RBM5: variants seen among roughly 807,000 people sequenced by gnomAD.
The protein encoded by RBM5 is RNA-binding protein 5.
RBM5 carries 15 observed loss-of-function variants against 124.6 expected under a neutral mutation model. The ratio of observed to expected loss-of-function variants is 0.12; its 90% CI spans 0.08 to 0.19. The LOEUF (loss-of-function observed/expected upper bound fraction) is 0.19, where lower values mean the gene tolerates loss of function less well. RBM5 is among the 10% of genes least tolerant of loss of function. The pLI is 1.00. For synonymous variants in RBM5, 337 were observed against 361.2 expected (o/e 0.93, Z 0.76); for missense variants, 580 against 1,026.5 (o/e 0.57, Z 5.94).
chr3:50,103,928 G>A (rs1190913950), intron 7 of RBM5, among the ~76,000 whole-genome samples: 2 of 152,196 alleles, frequency 1.3e-5, no homozygotes, highest in Non-Finnish European at 2.9e-5. Context: ...TGTGTATGTA[G>A]GATGGGATGT....
At chr3:50,114,503 G>A (rs1481928199) in intron 20 of RBM5, 4 of 467,780 alleles carry the variant, frequency 8.6e-6, no homozygotes, top group Non-Finnish European at 1.5e-5. Flanking sequence ...ATCTGTGAGT[G>A]GAGAGTTTTA....
Position 50,117,336 on chromosome 3 carries a change from C to T in RBM5, c.2279C>T (p.Ser760Phe), listed in dbSNP as rs1380437810. Reference protein sequence around the residue: ...MLQAMGWREGSGLGRKCQGIT... With the variant: ...MLQAMGWREGFGLGRKCQGIT... ...CAGGCCATGGGCTGGCGGGAAGGCTCTGGCTTGGGACGAAAGTGTCAAGGC... is the reference window on the plus strand; with the variant it reads ...CAGGCCATGGGCTGGCGGGAAGGCTTTGGCTTGGGACGAAAGTGTCAAGGC... The change falls in exon 24 of 25, where the codon TCT (serine) becomes TTT (phenylalanine). Residue 760 changes from serine to phenylalanine, a missense_variant. Coordinates refer to ENST00000347869, the MANE Select transcript of RBM5 (RefSeq NM_005778.4). The surrounding 1 kb of genome is among the most constrained non-coding windows in gnomAD (Gnocchi z 4.2). The T allele has an allele frequency of 6.2e-7, 1 of 1,614,206 alleles. No individual in the cohort carries two copies. The highest frequency in any genetic ancestry group is 8.5e-7 in the Non-Finnish European group (1 of 1,180,042).
intron 19 of RBM5, 24 bp from the exon 20 acceptor site, chr3:50,114,156 C>T: frequency 6.2e-7 from 1 of 1,614,122 alleles, no homozygotes; most frequent in Non-Finnish European, 8.5e-7. Flanking sequence ...ACTTGAGTCT[C>T]ATGGCTTGTC....
At chr3:50,114,150 G>T (rs369028062) in intron 19 of RBM5, 30 bp from the exon 20 acceptor site, 2 of 1,613,996 alleles carry the variant, frequency 1.2e-6, no homozygotes, top group Non-Finnish European at 1.7e-6. Flanking sequence ...CCTAAAACTT[G>T]AGTCTCATGG....
chr3:50,104,435 C>A, intron 8 of RBM5, 127 bp downstream of exon 8: 1 of 857,596 alleles, frequency 1.2e-6, no homozygotes. Context: ...GACAGGAGTT[C>A]AATACCAGCC....
intron 22 of RBM5, 62 bp downstream of exon 22, chr3:50,116,042 T>C (rs1317916107): frequency 1.3e-6 from 2 of 1,487,296 alleles, no homozygotes; most frequent in Non-Finnish European, 1.9e-6. Context: ...AGCTTTTATT[T>C]GTAGCATTTA....
At chr3:50,095,313 G>A (rs896771526) in intron 4 of RBM5, among the ~76,000 whole-genome samples, 1 of 152,142 alleles carries the variant, frequency 6.6e-6, no homozygotes, top group Admixed American at 6.5e-5. Context: ...GCTCCTAGAA[G>A]ATAATCAATA....
chr3:50,090,521 T>C lies in RBM5; in HGVS notation c.17+70T>C. 2.6e-6 allele frequency: 4 copies of C among 1,554,272 alleles called. 1 individual carries two copies. In the Admixed American group the frequency reaches 5.3e-5, roughly 21 times the overall value. On this transcript the variant is annotated intron_variant, in intron 2 of 24. Coordinates refer to ENST00000347869, the MANE Select transcript of RBM5 (RefSeq NM_005778.4). ...GGACTGAACTCCTTGTTTAAAATAGTTTATCAAACTAATATATGAGTGTTT... is the reference window on the plus strand; with the variant it reads ...GGACTGAACTCCTTGTTTAAAATAGCTTATCAAACTAATATATGAGTGTTT...
chr3:50,105,719 T>C lies in RBM5; in HGVS notation c.855+10T>C. 6.8e-6 allele frequency: 11 copies of C among 1,611,396 alleles called. No individual in the cohort carries two copies. The highest frequency in any genetic ancestry group is 9.3e-6 in the Non-Finnish European group (11 of 1,178,762). On this transcript the variant is annotated intron_variant, in intron 10 of 24. Coordinates refer to ENST00000347869, the MANE Select transcript of RBM5 (RefSeq NM_005778.4). ...GCTGTCCTCTGCAATGGTGAGGTTC[T>C]CATCGATTCTTTCCTTTTTAAAAGA...
At position 50,113,346 on chromosome 3, in the gene RBM5, A is replaced by T. The variant is rs748900991; in HGVS notation, c.1456-37A>T. On this transcript the variant is annotated intron_variant, in intron 17 of 24. Transcript: ENST00000347869. Reference sequence around the variant, plus strand: ...TATGTAATCGACTGACATAGCAGAAAGTCTGCATTAATTGTTTTTTGTTTG... The same window carrying T: ...TATGTAATCGACTGACATAGCAGAATGTCTGCATTAATTGTTTTTTGTTTG... 8.2e-6 allele frequency: 13 copies of T among 1,576,936 alleles called. No individual in the cohort carries two copies. The East Asian group carries it at 2.9e-4, about 35-fold the overall frequency.
chr3:50,102,989 C>A, intron 6 of RBM5, 94 bp from the exon 7 acceptor site: 1 of 985,258 alleles, frequency 1.0e-6, no homozygotes, highest in Non-Finnish European at 1.6e-6. Flanking sequence ...CCATTTAATT[C>A]CAGAGCACTG....
In RBM5 at chr3:50,100,778, T is replaced by A; in HGVS notation, c.483+173T>A. On this transcript the variant is annotated intron_variant, in intron 6 of 24. Transcript: ENST00000347869. The surrounding 1 kb of genome is among the most constrained non-coding windows in gnomAD (Gnocchi z 5.1). ...ATAAGTACAGTACCAAGGACTTCAT[T>A]ATAGAATTTGTTCTGCCTTTAAACA... 1 of 474,616 alleles carries A rather than the reference T, an allele frequency of 2.1e-6. No homozygotes were observed. Among genetic ancestry groups the A allele is most frequent in the Non-Finnish European group, 3.7e-6 (1 of 271,960 alleles). 29.4% of individuals were successfully genotyped at this position (474,616 alleles called of 1,614,324 possible).
intron 22 of RBM5, chr3:50,116,643 A>G (rs1326678898): frequency 4.5e-6 from 1 of 221,972 alleles, no homozygotes; most frequent in Admixed American, 5.3e-5. Flanking sequence ...CTATGGTTCC[A>G]CCTCCCCAGC....
intron 18 of RBM5, 67 bp from the exon 19 acceptor site, chr3:50,113,883 T>C: frequency 6.4e-7 from 1 of 1,553,740 alleles, no homozygotes; most frequent in African/African-American, 1.4e-5. Flanking sequence ...ATAAGATCCT[T>C]AATGGCTCAT....
At chr3:50,092,446 A>G (rs2090720317) in intron 3 of RBM5, among the ~76,000 whole-genome samples, 2 of 151,996 alleles carry the variant, frequency 1.3e-5, no homozygotes, top group African/African-American at 4.8e-5. Context: ...CTGTAATCCC[A>G]GCTACTTGGG....
At chr3:50,112,314 G>T (rs903204647) in intron 17 of RBM5, among the ~76,000 whole-genome samples, 17 of 150,332 alleles carry the variant, frequency 1.1e-4, no homozygotes, top group African/African-American at 4.2e-4. Context: ...TACTCGGGAG[G>T]CTGAGGCAGG....
At position 50,092,147 on chromosome 3, in the gene RBM5, G is replaced by C; in HGVS notation, c.122G>C (p.Arg41Thr). The C allele has an allele frequency of 6.2e-7, 1 of 1,614,090 alleles. No individual in the cohort carries two copies. The highest frequency in any genetic ancestry group is 8.5e-7 in the Non-Finnish European group (1 of 1,180,024). ...AGGCGGAGGGACTCAGATTACAAAA[G>C]ATCTAGTGATGATCGGAGGGGTGAT... ...RSRRRDSDYKRSSDDRRGDRY... is the reference protein window; with the variant it reads ...RSRRRDSDYKTSSDDRRGDRY... The change falls in exon 3 of 25, where the codon AGA (arginine) becomes ACA (threonine). Residue 41 changes from arginine (R) to threonine (T), a missense_variant. Physicochemically the swap from Arg to Thr is moderately conservative, Grantham distance 71 (BLOSUM62 -1). Transcript: ENST00000347869.
chr3:50,106,989 C>A, intron 11 of RBM5, 125 bp downstream of exon 11: 2 of 814,944 alleles, frequency 2.5e-6, no homozygotes, highest in Non-Finnish European at 2.1e-6. Flanking sequence ...ATTGCCAAGG[C>A]CAGGAGGGAC....
At chr3:50,113,239 T>C in intron 17 of RBM5, 144 bp from the exon 18 acceptor site, 2 of 714,524 alleles carry the variant, frequency 2.8e-6, no homozygotes, top group Non-Finnish European at 4.5e-6. Context: ...TCACCTTTAC[T>C]TATACCAAGG....
Sources: gnomAD v4.1 joint callset for allele counts (sites outside exome capture counted in the v4.1 genomes callset) on GRCh38, gnomAD v4.1.1 for gene constraint, Gnocchi (gnomAD v3.1) non-coding constraint, MANE v1.5 for transcripts, NCBI Gene and HGNC (gene_info 2026-07-23, HGNC 2026-07-21) for gene names.